GALNT7: variants seen among roughly 807,000 people sequenced by gnomAD.
The protein encoded by GALNT7 is N-acetylgalactosaminyltransferase 7.
In GALNT7, 60 loss-of-function variants were observed where a neutral mutation model predicts 82.1. The ratio of observed to expected loss-of-function variants is 0.73; its 90% CI spans 0.59 to 0.91. GALNT7 has a LOEUF of 0.91. Among genes scored for constraint, GALNT7 ranks in the 40% least tolerant of loss-of-function variants. The pLI, the probability that GALNT7 is intolerant of heterozygous loss-of-function variation, is 0.00. For synonymous variants in GALNT7, 243 were observed against 275.1 expected (o/e 0.88, Z 1.15); for missense variants, 660 against 804.2 (o/e 0.82, Z 2.17).
chr4:173,293,690 T>A (rs1736618651), intron 3 of GALNT7, among the ~76,000 whole-genome samples: 1 of 152,194 alleles, frequency 6.6e-6, no homozygotes, highest in Non-Finnish European at 1.5e-5. Context: ...GCGACTGAGT[T>A]GGGCCGAAGT....
chr4:173,268,530 G>GTTTTTTTTT (rs60894562), intron 2 of GALNT7, among the ~76,000 whole-genome samples: 2 of 52,336 alleles, frequency 3.8e-5, no homozygotes, highest in Non-Finnish European at 3.2e-5. Context: ...TTTCTCTCTC[G>GTTTTTTTTT]TTTTTTTTTT....
intron 1 of GALNT7, among the ~76,000 whole-genome samples, chr4:173,188,716 A>C (rs1037798751): frequency 1.3e-5 from 2 of 152,162 alleles, no homozygotes; most frequent in Non-Finnish European, 2.9e-5. Flanking sequence ...GCAGCATGGT[A>C]TCATCCAGCT....
chr4:173,224,449 G>A (rs1244806393), intron 1 of GALNT7, among the ~76,000 whole-genome samples: 1 of 152,110 alleles, frequency 6.6e-6, no homozygotes, highest in African/African-American at 2.4e-5. Flanking sequence ...TAAGTGTTAG[G>A]CATACCTATT....
intron 1 of GALNT7, among the ~76,000 whole-genome samples, chr4:173,230,834 T>C (rs1734007536): frequency 6.6e-6 from 1 of 152,196 alleles, no homozygotes; most frequent in African/African-American, 2.4e-5. Flanking sequence ...GGAAATATAG[T>C]AAATTATTCT....
At chr4:173,288,238 G>C (rs1455039253) in intron 2 of GALNT7, among the ~76,000 whole-genome samples, 2 of 135,250 alleles carry the variant, frequency 1.5e-5, no homozygotes, top group African/African-American at 3.1e-5. Flanking sequence ...AGCCGAGATC[G>C]CGCCACTGCA....
rs770611542 is a variant in GALNT7 at position 173,295,581 on chromosome 4, A to G, written c.885+55A>G. On this transcript the variant is annotated intron_variant, in intron 4 of 11. Transcript: ENST00000265000. ...ACATTTTGGGTTTGGTAACTAAATC[A>G]TACACATTTTTAATCATTCTTCAGT... 23 of 1,525,804 alleles carry G rather than the reference A, an allele frequency of 1.5e-5. No individual in the cohort carries two copies. The South Asian group carries it at 2.2e-4, about 14-fold the overall frequency. 94.5% of individuals were successfully genotyped at this position (1,525,804 alleles called of 1,614,324 possible).
intron 2 of GALNT7, among the ~76,000 whole-genome samples, chr4:173,250,327 C>T (rs546434814): frequency 6.6e-6 from 1 of 152,114 alleles, no homozygotes; most frequent in Non-Finnish European, 1.5e-5. Flanking sequence ...AAATATGTCA[C>T]TTAAAACACC....
chr4:173,304,218 T>C, intron 8 of GALNT7, 100 bp downstream of exon 8: 1 of 911,442 alleles, frequency 1.1e-6, no homozygotes, highest in Non-Finnish European at 1.7e-6. Context: ...AGTGGGCTCT[T>C]CAGCAGTCAT....
At chr4:173,245,804 T>G (rs1734607548) in intron 1 of GALNT7, among the ~76,000 whole-genome samples, 1 of 152,206 alleles carries the variant, frequency 6.6e-6, no homozygotes, top group African/African-American at 2.4e-5. Flanking sequence ...TGCCTTACAC[T>G]TTACTTAGTT....
At chr4:173,183,775 C>CGGGG (rs1732359754) in intron 1 of GALNT7, among the ~76,000 whole-genome samples, 1 of 146,956 alleles carries the variant, frequency 6.8e-6, no homozygotes, top group East Asian at 2.1e-4. Context: ...GCTGGCCTGG[C>CGGGG]AGGGACTGCC....
chr4:173,172,893 G>A (rs1275032043), intron 1 of GALNT7, among the ~76,000 whole-genome samples: 3 of 152,110 alleles, frequency 2.0e-5, no homozygotes, highest in Non-Finnish European at 2.9e-5. Flanking sequence ...GTGAGAAGCC[G>A]TTGAAAGATT....
intron 1 of GALNT7, among the ~76,000 whole-genome samples, chr4:173,240,255 G>C (rs1734377654): frequency 6.6e-6 from 1 of 151,226 alleles, no homozygotes; most frequent in Non-Finnish European, 1.5e-5. Context: ...CCACCAGAAA[G>C]TATATTCACT....
chr4:173,248,127 A>G lies in GALNT7; in HGVS notation c.274A>G (p.Lys92Glu). Residue 92 changes from lysine to glutamate, a missense_variant, in exon 2 of 12, where the codon AAA (lysine) becomes GAA (glutamate). By Grantham distance (56) the Lys-to-Glu change is moderately conservative. Transcript: ENST00000265000. ...LESIRRINKA[K>E]NEQEHHAGGD... ...GTCTATTAGAAGAATAAACAAGGCC[A>G]AAAATGAACAAGAGCACCATGCTGG... 6.2e-7 allele frequency: 1 copy of G among 1,613,858 alleles called. No individual in the cohort carries two copies.
At chr4:173,169,171 C>A in intron 1 of GALNT7, 1 of 213,138 alleles carries the variant, frequency 4.7e-6, no homozygotes, top group Non-Finnish European at 9.1e-6. Flanking sequence ...CTCGCCGCCC[C>A]TTCCTCCGCT....
At chr4:173,318,097 C>A (rs995060483) in intron 10 of GALNT7, among the ~76,000 whole-genome samples, 6 of 152,074 alleles carry the variant, frequency 3.9e-5, no homozygotes, top group Non-Finnish European at 7.4e-5. Context: ...GTGTTACTGC[C>A]AGTAATGTAT....
chr4:173,309,417 G>T (rs1737294582), intron 8 of GALNT7, among the ~76,000 whole-genome samples: 1 of 152,204 alleles, frequency 6.6e-6, no homozygotes, highest in Admixed American at 6.5e-5. Context: ...ATCCAGCCAT[G>T]TTGGGGTCTC....
At chr4:173,268,331 G>C (rs913015190) in intron 2 of GALNT7, 1 of 151,782 alleles carries the variant, frequency 6.6e-6, no homozygotes, top group Non-Finnish European at 1.5e-5. Context: ...ACTGTAACTC[G>C]CACCCAAACA....
intron 1 of GALNT7, among the ~76,000 whole-genome samples, chr4:173,219,739 A>G (rs903355739): frequency 1.3e-5 from 2 of 152,024 alleles, no homozygotes; most frequent in Admixed American, 6.6e-5. Context: ...TTTCCCTCAT[A>G]ATTAGTGATA....
At chr4:173,318,840 C>G (rs1015269564) in intron 11 of GALNT7, among the ~76,000 whole-genome samples, 1 of 152,028 alleles carries the variant, frequency 6.6e-6, no homozygotes, top group African/African-American at 2.4e-5. Flanking sequence ...AGTCAGTGTT[C>G]TGTGAGGCAG....
Sources: allele counts gnomAD v4.1 joint callset (sites outside exome capture counted in the v4.1 genomes callset), GRCh38; gene constraint gnomAD v4.1.1; transcripts MANE v1.5; gene names NCBI Gene and HGNC (gene_info 2026-07-23, HGNC 2026-07-21).